Variants in PHYKPL observed in about 807,000 individuals in gnomAD.
The protein encoded by PHYKPL is 5-phosphonooxy-L-lysine phospho-lyase.
In PHYKPL, 42 loss-of-function variants were observed where a neutral mutation model predicts 51.3. The ratio of observed to expected loss-of-function variants is 0.82; its 90% CI spans 0.64 to 1.06. PHYKPL has a LOEUF of 1.06. Among genes scored for constraint, PHYKPL ranks in the 50% least tolerant of loss-of-function variants. PHYKPL has a pLI of 0.00. For synonymous variants in PHYKPL, 264 were observed against 236.0 expected, an observed-to-expected ratio of 1.12 and a Z score of -1.09; for missense variants, 655 against 586.6, an observed-to-expected ratio of 1.12 and a Z score of -1.20.
intron 2 of PHYKPL, chr5:178,230,771 C>T (rs1763223417): frequency 1.3e-5 from 2 of 154,334 alleles, no homozygotes; most frequent in Admixed American, 1.3e-4. Flanking sequence ...ACTTAATTCT[C>T]CAAACACCTT....
At chr5:178,221,445 T>C (rs1229339558) in intron 8 of PHYKPL, among the ~76,000 whole-genome samples, 1 of 152,158 alleles carries the variant, frequency 6.6e-6, no homozygotes, top group Admixed American at 6.5e-5. Flanking sequence ...CACGCTGTCA[T>C]GACCATGTGT....
intron 8 of PHYKPL, among the ~76,000 whole-genome samples, chr5:178,219,906 A>G (rs1311882132): frequency 6.6e-6 from 1 of 151,920 alleles, no homozygotes; most frequent in Non-Finnish European, 1.5e-5. Context: ...ACTGAAGAAG[A>G]TATAGGCCGG....
At chr5:178,225,099 G>A (rs1432030338) in intron 4 of PHYKPL, 1 of 579,296 alleles carries the variant, frequency 1.7e-6, no homozygotes, top group Non-Finnish European at 3.1e-6. Flanking sequence ...GTTTGAACAT[G>A]TACAATGTTG....
In PHYKPL at chr5:178,232,692, C is replaced by G; in HGVS notation, c.-142G>C. On this transcript the variant is annotated 5_prime_UTR_variant, in exon 1 of 13. Transcript: ENST00000308158. ...GTTCGCACTCGGCCCCGCCCCGAAG[C>G]GCCCGCGTTGCGGTGGTTCATTTCT... The G allele has an allele frequency of 1.1e-6, 1 of 937,534 alleles. No individual in the cohort carries two copies. Among genetic ancestry groups the G allele is most frequent in the Non-Finnish European group, 1.4e-6 (1 of 724,306 alleles). The allele number at this position is 937,534 out of a possible 1,614,324, so 58.1% of individuals were successfully genotyped here.
At chr5:178,222,239 G>A in intron 8 of PHYKPL, 116 bp downstream of exon 8, 2 of 865,102 alleles carry the variant, frequency 2.3e-6, no homozygotes, top group Non-Finnish European at 1.8e-6. Context: ...ACAGCGTCTT[G>A]GAAGCGTGTG....
chr5:178,229,900 G>A (rs746277489), intron 3 of PHYKPL, 40 bp downstream of exon 3: 246 of 1,604,394 alleles, frequency 1.5e-4, no homozygotes, highest in East Asian at 7.2e-4. Context: ...CTTTGTTACC[G>A]TCTCACCCTC....
rs1018079193 is a variant in PHYKPL at position 178,232,423 on chromosome 5, T to TGCGTGCGTCGTGCGTGCGC, written c.59+68_59+69insGCGCACGCACGACGCACGC. On this transcript the variant is annotated intron_variant, in intron 1 of 12. Transcript: ENST00000308158. The stretch of plus-strand genomic sequence containing the variant: ...GGCGCGTGCGTAGTGCGTGCGTGCG[T>TGCGTGCGTCGTGCGTGCGC]GCGTCGTGCGTGCGCGTGCCTCTCC... 1.4e-4 allele frequency: 187 copies of TGCGTGCGTCGTGCGTGCGC among 1,361,432 alleles called. 1 individual carries two copies. The highest frequency in any genetic ancestry group is 1.9e-4 in the East Asian group (6 of 31,690). The allele number at this position is 1,361,432 out of a possible 1,614,324, so 84.3% of individuals were successfully genotyped here. A position where few individuals can be genotyped will look rare whatever the true frequency, so the allele number is the denominator to read the frequency against.
chr5:178,225,085 A>G (rs2961684), intron 4 of PHYKPL: 151,870 of 565,144 alleles, frequency 0.27, 21,659 homozygotes, highest in South Asian at 0.32. Flanking sequence ...CTACTGCTGG[A>G]GTAGTTTGAA....
At chr5:178,223,616 G>A (rs765493219) in intron 6 of PHYKPL, 12 of 383,010 alleles carry the variant, frequency 3.1e-5, no homozygotes, top group South Asian at 5.7e-5. Context: ...AGAAGTGGTC[G>A]CAGAGCACCT....
intron 11 of PHYKPL, among the ~76,000 whole-genome samples, chr5:178,212,770 A>G (rs1251518854): frequency 6.6e-6 from 1 of 152,226 alleles, no homozygotes; most frequent in African/African-American, 2.4e-5. Flanking sequence ...ACCTCCTGAC[A>G]GCCCAGGAAG....
chr5:178,215,458 A>G (rs1338638085), intron 8 of PHYKPL, 28 bp from the exon 9 acceptor site: 7 of 1,591,894 alleles, frequency 4.4e-6, no homozygotes, highest in Non-Finnish European at 6.0e-6. Context: ...AACATGTCAG[A>G]TGCCCTGGCA....
chr5:178,231,716 G>A (rs2127501242), intron 1 of PHYKPL, 193 bp from the exon 2 acceptor site: 2 of 1,541,430 alleles, frequency 1.3e-6, no homozygotes, highest in Non-Finnish European at 1.8e-6. Flanking sequence ...AGCAGATGGG[G>A]TAACAAGTCG....
chr5:178,225,245 C>G, intron 4 of PHYKPL, 110 bp downstream of exon 4: 1 of 1,269,768 alleles, frequency 7.9e-7, no homozygotes, highest in East Asian at 2.4e-5. Flanking sequence ...TCTTCAGTAG[C>G]CCAGGCCCCT....
intron 10 of PHYKPL, among the ~76,000 whole-genome samples, chr5:178,213,394 C>A (rs2113721742): frequency 6.6e-6 from 1 of 152,342 alleles, no homozygotes; most frequent in African/African-American, 2.4e-5. Flanking sequence ...CAGGGAAACG[C>A]CAGACTGCAA....
At chr5:178,231,335 G>C in intron 2 of PHYKPL, 70 bp downstream of exon 2, 1 of 1,609,476 alleles carries the variant, frequency 6.2e-7, no homozygotes, top group South Asian at 1.1e-5. Flanking sequence ...GCAATCTCAG[G>C]TCACCTTGGG....
At chr5:178,229,103 ATTTTTTTTTT>A in intron 3 of PHYKPL, among the ~76,000 whole-genome samples, 1 of 118,280 alleles carries the variant, frequency 8.5e-6, no homozygotes, top group East Asian at 2.4e-4. Context: ...TGATGAGACT[ATTTTTTTTTT>A]TTTTTTTTTT....
At chr5:178,209,850 G>C (rs1757642568) in intron 12 of PHYKPL, among the ~76,000 whole-genome samples, 2 of 152,106 alleles carry the variant, frequency 1.3e-5, no homozygotes, top group Non-Finnish European at 2.9e-5. Flanking sequence ...TCTTTTTAAA[G>C]GCTAAGCTGC....
At chr5:178,220,870 T>A (rs1429176704) in intron 8 of PHYKPL, among the ~76,000 whole-genome samples, 1 of 152,016 alleles carries the variant, frequency 6.6e-6, no homozygotes. Flanking sequence ...GGATTCTTAG[T>A]GATATGTTAG....
In PHYKPL at chr5:178,231,362, T is replaced by C. The variant is rs752236273; in HGVS notation, c.178+43A>G. 2.4e-5 allele frequency: 39 copies of C among 1,613,794 alleles called. No individual in the cohort carries two copies. In the Admixed American group the frequency reaches 5.0e-4, roughly 21 times the overall value. On this transcript the variant is annotated intron_variant, in intron 2 of 12. Coordinates refer to ENST00000308158, the MANE Select transcript of PHYKPL (RefSeq NM_153373.4). ...CACCTTGGGACCAGGTTCACAGCAC[T>C]GCCTTCCTCTCCTGCCCTGCCAGCC... is the stretch of plus-strand genomic sequence containing the variant.
Sources: gnomAD v4.1 joint callset for allele counts (sites outside exome capture counted in the v4.1 genomes callset) on GRCh38, gnomAD v4.1.1 for gene constraint, MANE v1.5 for transcripts, NCBI Gene and HGNC (gene_info 2026-07-23, HGNC 2026-07-21) for gene names.